The following CSMD1 variants were observed in gnomAD, a reference collection of about 807,000 sequenced individuals.
CSMD1 encodes CUB and Sushi multiple domains 1, also known as CUB and sushi domain-containing protein 1.
CSMD1 carries 213 observed loss-of-function variants against 417.5 expected under a neutral mutation model. The ratio of observed to expected loss-of-function variants is 0.51; its 90% CI spans 0.46 to 0.57. The LOEUF (loss-of-function observed/expected upper bound fraction) is 0.57, where lower values mean the gene tolerates loss of function less well. Among genes scored for constraint, CSMD1 ranks in the 20% least tolerant of loss-of-function variants. The pLI is 0.00. For missense variants in CSMD1, 6,923 were observed against 4,529.7 expected (o/e 1.53, Z -15.17); for synonymous variants, 2,862 against 1,736.8 (o/e 1.65, Z -16.11).
chr8:3,695,338 T>G (rs1563281621), intron 7 of CSMD1, among the ~76,000 whole-genome samples: 2 of 151,610 alleles, frequency 1.3e-5, no homozygotes, highest in African/African-American at 4.9e-5. Context: ...TAATTTCCTG[T>G]AAGAAATGAC....
chr8:3,387,781 TAA>T (rs1181645281), intron 17 of CSMD1, 99 bp from the exon 18 acceptor site: 11 of 977,540 alleles, frequency 1.1e-5, no homozygotes, highest in Non-Finnish European at 1.5e-5. Flanking sequence ...TCAGAAATAA[TAA>T]GACCTGAAAC....
intron 2 of CSMD1, among the ~76,000 whole-genome samples, chr8:4,585,951 TTAATA>T (rs749625834): frequency 3.3e-5 from 5 of 152,226 alleles, no homozygotes; most frequent in Non-Finnish European, 7.3e-5. Flanking sequence ...TTTGTGGGAT[TTAATA>T]TATTAGCAAA....
At chr8:4,784,029 G>A (rs1017101165) in intron 1 of CSMD1, among the ~76,000 whole-genome samples, 1 of 152,168 alleles carries the variant, frequency 6.6e-6, no homozygotes. Context: ...GATAAAAAAA[G>A]TGTATTTGAT....
intron 3 of CSMD1, among the ~76,000 whole-genome samples, chr8:4,360,541 G>C (rs546537681): frequency 2.6e-5 from 4 of 152,270 alleles, no homozygotes; most frequent in Admixed American, 6.5e-5. Flanking sequence ...CCAGGCTGGA[G>C]GGCAGTGGCG....
intron 2 of CSMD1, among the ~76,000 whole-genome samples, chr8:4,448,996 ATTAT>A (rs1798976044): frequency 6.6e-6 from 1 of 152,156 alleles, no homozygotes; most frequent in African/African-American, 2.4e-5. Flanking sequence ...AGTAGTCAGT[ATTAT>A]TTATTACTTG....
chr8:3,366,914 T>C (rs1299722652), intron 20 of CSMD1, 118 bp downstream of exon 20: 2 of 816,074 alleles, frequency 2.5e-6, no homozygotes, highest in South Asian at 1.6e-5. Flanking sequence ...AAGTCACGCA[T>C]GTACAAACAC....
At chr8:4,577,975 T>C (rs1012563982) in intron 2 of CSMD1, among the ~76,000 whole-genome samples, 10 of 152,200 alleles carry the variant, frequency 6.6e-5, no homozygotes, top group Non-Finnish European at 1.5e-5. Flanking sequence ...CTGGTTTCTA[T>C]GTAAATTTTG....
intron 5 of CSMD1, among the ~76,000 whole-genome samples, chr8:3,858,504 G>T (rs1563151173): frequency 6.6e-6 from 1 of 152,032 alleles, no homozygotes; most frequent in Non-Finnish European, 1.5e-5. Flanking sequence ...TGTAGAAATG[G>T]AAGGCCTACT....
At chr8:3,939,927 G>A (rs1358407514) in intron 5 of CSMD1, among the ~76,000 whole-genome samples, 2 of 152,072 alleles carry the variant, frequency 1.3e-5, no homozygotes, top group East Asian at 1.9e-4. Flanking sequence ...CTTCTCGGAT[G>A]ACAGGTGCAC....
At chr8:3,075,518 T>C (rs1474148636) in intron 49 of CSMD1, among the ~76,000 whole-genome samples, 1 of 151,862 alleles carries the variant, frequency 6.6e-6, no homozygotes, top group Non-Finnish European at 1.5e-5. Context: ...CAACCTCAGC[T>C]GTTCTGTCCA....
chr8:4,585,585 A>C (rs1197087013), intron 2 of CSMD1, among the ~76,000 whole-genome samples: 1 of 152,198 alleles, frequency 6.6e-6, no homozygotes, highest in Non-Finnish European at 1.5e-5. Context: ...ATTCAGATGA[A>C]AGAAACCAAA....
chr8:4,178,685 C>T (rs899591052), intron 3 of CSMD1, among the ~76,000 whole-genome samples: 6 of 152,254 alleles, frequency 3.9e-5, no homozygotes, highest in South Asian at 4.1e-4. Flanking sequence ...GAAAACCCCA[C>T]TGTCTCAGCC....
At chr8:3,460,330 T>C (rs1000152075) in intron 12 of CSMD1, among the ~76,000 whole-genome samples, 1 of 152,110 alleles carries the variant, frequency 6.6e-6, no homozygotes. Context: ...GGAAGTTCCA[T>C]GGGACAAACA....
chr8:3,886,300 C>T (rs1806559521), intron 5 of CSMD1, among the ~76,000 whole-genome samples: 1 of 152,170 alleles, frequency 6.6e-6, no homozygotes, highest in Non-Finnish European at 1.5e-5. Flanking sequence ...CCGACTGCCT[C>T]AGCCTCTCAA....
intron 68 of CSMD1, among the ~76,000 whole-genome samples, chr8:2,948,495 C>G (rs762254570): frequency 6.6e-6 from 1 of 152,078 alleles, no homozygotes. Flanking sequence ...AGCTTTTTCT[C>G]ATTTATAAGT....
At chr8:3,900,540 A>G (rs557919024) in intron 5 of CSMD1, among the ~76,000 whole-genome samples, 1 of 138,380 alleles carries the variant, frequency 7.2e-6, no homozygotes, top group African/African-American at 3.3e-5. Flanking sequence ...GGTGACAGTG[A>G]AGCTAGGTGA....
chr8:3,220,657 C>T (rs1351648370), intron 28 of CSMD1, among the ~76,000 whole-genome samples: 2 of 152,130 alleles, frequency 1.3e-5, no homozygotes, highest in East Asian at 3.9e-4. Flanking sequence ...ATGGTGAAAC[C>T]CTCTCTCTAC....
intron 7 of CSMD1, among the ~76,000 whole-genome samples, chr8:3,680,777 C>A (rs987288716): frequency 6.6e-6 from 1 of 152,056 alleles, no homozygotes; most frequent in African/African-American, 2.4e-5. Context: ...AACATTGATG[C>A]AAAAATTCTC....
intron 10 of CSMD1, among the ~76,000 whole-genome samples, chr8:3,558,840 T>C (rs148515211): frequency 1.2e-4 from 18 of 148,998 alleles, no homozygotes; most frequent in African/African-American, 2.8e-4. Context: ...CAATGATGAA[T>C]GGTGTCTCAG....
Sources: gnomAD v4.1 joint callset for allele counts (sites outside exome capture counted in the v4.1 genomes callset) on GRCh38, gnomAD v4.1.1 for gene constraint, MANE v1.5 for transcripts, NCBI Gene and HGNC (gene_info 2026-07-23, HGNC 2026-07-21) for gene names.